The following PDE4D variants were observed in gnomAD, a reference collection of about 807,000 sequenced individuals.
PDE4D encodes 3',5'-cyclic-AMP phosphodiesterase 4D.
Under a neutral mutation model 87.4 loss-of-function variants are expected in PDE4D, and 24 were observed. The ratio of observed to expected loss-of-function variants is 0.27; its 90% confidence interval spans 0.20 to 0.39. The LOEUF (loss-of-function observed/expected upper bound fraction) is 0.39. PDE4D is among the 10% of genes least tolerant of loss of function. The probability of loss-of-function intolerance (pLI) is 1.00; values close to 1 mark genes in which losing one functional copy is unlikely to be tolerated. For missense variants in PDE4D, 714 were observed against 1,041.0 expected, an observed-to-expected ratio of 0.69 and a Z score of 4.32; for synonymous variants, 384 against 383.2, an observed-to-expected ratio of 1.00 and a Z score of -0.02.
At chr5:59,923,213 T>A (rs1174498000) in intron 3 of PDE4D, among the ~76,000 whole-genome samples, 1 of 152,202 alleles carries the variant, frequency 6.6e-6, no homozygotes, top group Non-Finnish European at 1.5e-5. Context: ...AGGTAGCTTC[T>A]TAAGATTTCT....
In PDE4D at chr5:59,529,509, T is replaced by C. The variant is rs114779966; in HGVS notation, c.456-313541A>G. 7.4e-3 allele frequency among the ~76,000 whole-genome samples: 1,119 copies of C among 152,244 alleles called. 13 individuals are homozygous for C. The highest frequency in any genetic ancestry group is 8.9e-3 in the Non-Finnish European group (605 of 68,006). On this transcript the variant is annotated intron_variant, in intron 1 of 14. Coordinates refer to ENST00000340635, the MANE Select transcript of PDE4D (RefSeq NM_001104631.2). The stretch of plus-strand genomic sequence containing the variant: ...ATGTGCAGCAATAGGGGCACAAGCA[T>C]TGACCTTTGAAGAGTCACATCATAG...
chr5:59,743,737 A>G (rs897920708), intron 1 of PDE4D, among the ~76,000 whole-genome samples: 2 of 152,160 alleles, frequency 1.3e-5, no homozygotes, highest in Non-Finnish European at 2.9e-5. Context: ...TCAAAAGCAG[A>G]CTCATATTGT....
intron 2 of PDE4D, among the ~76,000 whole-genome samples, chr5:60,030,373 C>T (rs1211553640): frequency 1.3e-5 from 2 of 152,148 alleles, no homozygotes; most frequent in Non-Finnish European, 2.9e-5. Flanking sequence ...TGGCGTGAAC[C>T]CGGGAAGCGG....
At chr5:59,762,234 G>A (rs1561614616) in intron 1 of PDE4D, among the ~76,000 whole-genome samples, 2 of 104,276 alleles carry the variant, frequency 1.9e-5, no homozygotes, top group Admixed American at 9.7e-5. Flanking sequence ...ACACATATGC[G>A]TATATGTGTA....
At chr5:59,368,771 CA>C (rs2153597514) in intron 1 of PDE4D, among the ~76,000 whole-genome samples, 1 of 152,282 alleles carries the variant, frequency 6.6e-6, no homozygotes, top group East Asian at 1.9e-4. Flanking sequence ...GAAGTGATTA[CA>C]AACTTCACTT....
At chr5:59,207,057 C>A (rs1340804524) in intron 2 of PDE4D, among the ~76,000 whole-genome samples, 1 of 152,106 alleles carries the variant, frequency 6.6e-6, no homozygotes, top group East Asian at 1.9e-4. Context: ...TGGTAGCATA[C>A]CCCTGTGTTT....
chr5:59,246,389 C>T lies in PDE4D; in HGVS notation c.456-30421G>A, dbSNP rs1276639716. Among the ~76,000 whole-genome samples, 3 of 151,808 alleles carry T rather than the reference C, an allele frequency of 2.0e-5. No homozygotes were observed. The East Asian group carries it at 5.8e-4, about 29-fold the overall frequency. On this transcript the variant is annotated intron_variant, in intron 1 of 14. Transcript: ENST00000340635. ...GCCATTACAGATACTACTTAAAAAC[C>T]AAAAAAACTATGATCATGATGTTGA...
rs143576736 is a variant in PDE4D, at chr5:59,561,668, G to A, written c.455+331500C>T. Among the ~76,000 whole-genome samples, 1,140 of 152,194 alleles carry A rather than the reference G, an allele frequency of 7.5e-3. 7 individuals carry two copies. Among genetic ancestry groups the A allele is most frequent in the African/African-American group, 0.026 (1,076 of 41,516 alleles). ...AAAGGGACCAGGCATGGTGGCTCAC[G>A]CCTGTAATTCCAGCACTTTGGGCAG... On this transcript the variant is annotated intron_variant, in intron 1 of 14. Coordinates refer to ENST00000340635, the MANE Select transcript of PDE4D (RefSeq NM_001104631.2).
At chr5:59,398,298 T>C (rs1789893952) in intron 1 of PDE4D, among the ~76,000 whole-genome samples, 2 of 125,596 alleles carry the variant, frequency 1.6e-5, no homozygotes, top group African/African-American at 6.4e-5. Context: ...TTTAGACCAA[T>C]ATCCTTGATG....
At chr5:60,416,227 C>T (rs982423196) in intron 1 of PDE4D, among the ~76,000 whole-genome samples, 9 of 152,178 alleles carry the variant, frequency 5.9e-5, no homozygotes, top group African/African-American at 2.2e-4. Context: ...TAAAACAGAC[C>T]AATCAGCTCT....
At chr5:59,589,901 G>A (rs1825684611) in intron 1 of PDE4D, among the ~76,000 whole-genome samples, 1 of 152,110 alleles carries the variant, frequency 6.6e-6, no homozygotes, top group Admixed American at 6.6e-5. Flanking sequence ...ACATGCAACT[G>A]TCTAGAATAA....
At chr5:59,342,255 C>A (rs371036986) in intron 1 of PDE4D, among the ~76,000 whole-genome samples, 1 of 152,120 alleles carries the variant, frequency 6.6e-6, no homozygotes, top group African/African-American at 2.4e-5. Flanking sequence ...CTTAGCATAA[C>A]CTCTCATTTT....
intron 3 of PDE4D, among the ~76,000 whole-genome samples, chr5:59,931,416 G>A (rs1339065705): frequency 6.6e-6 from 1 of 152,178 alleles, no homozygotes; most frequent in African/African-American, 2.4e-5. Context: ...CTTTCTTACA[G>A]TTACGGAGGC....
chr5:59,226,472 G>T (rs563895908), intron 1 of PDE4D, among the ~76,000 whole-genome samples: 4 of 152,246 alleles, frequency 2.6e-5, no homozygotes, highest in African/African-American at 9.6e-5. Flanking sequence ...GAAGTAGCAT[G>T]GTGGTTGCTG....
At chr5:59,320,193 G>A (rs527972275) in intron 1 of PDE4D, among the ~76,000 whole-genome samples, 27 of 152,082 alleles carry the variant, frequency 1.8e-4, no homozygotes, top group African/African-American at 6.5e-4. Flanking sequence ...TGCGTGTGCA[G>A]GTGTGTTTAG....
At chr5:60,355,727 G>A (rs752401258) in intron 1 of PDE4D, among the ~76,000 whole-genome samples, 11 of 151,672 alleles carry the variant, frequency 7.3e-5, no homozygotes, top group Non-Finnish European at 1.3e-4. Flanking sequence ...TTACAATAAA[G>A]TAAGCTAGAG....
At chr5:59,329,601 T>G (rs2153576094) in intron 1 of PDE4D, among the ~76,000 whole-genome samples, 1 of 152,276 alleles carries the variant, frequency 6.6e-6, no homozygotes, top group East Asian at 1.9e-4. Context: ...TCACAATACT[T>G]TAGGTATCAA....
At chr5:59,920,948 T>C (rs950672354) in intron 3 of PDE4D, among the ~76,000 whole-genome samples, 9 of 152,134 alleles carry the variant, frequency 5.9e-5, no homozygotes, top group Non-Finnish European at 1.0e-4. Flanking sequence ...TAAACCAACA[T>C]GGCAATGTAT....
chr5:59,543,040 G>A (rs978676202), intron 1 of PDE4D, among the ~76,000 whole-genome samples: 3 of 152,176 alleles, frequency 2.0e-5, no homozygotes, highest in African/African-American at 4.8e-5. Context: ...AGAGATGAGA[G>A]TGAAAAGGAT....
Sources: gnomAD v4.1 joint callset for allele counts (sites outside exome capture counted in the v4.1 genomes callset) on GRCh38, gnomAD v4.1.1 for gene constraint, MANE v1.5 for transcripts, NCBI Gene and HGNC (gene_info 2026-07-23, HGNC 2026-07-21) for gene names.